The following PVT1 variants were observed in gnomAD, a reference collection of about 807,000 sequenced individuals.
PVT1 encodes the protein Pvt1 oncogene.
At chr8:127,817,544 T>TAC (rs558276115) in intron 2 of PVT1, among the ~76,000 whole-genome samples, 14,079 of 117,674 alleles carry the variant, frequency 0.12, 1,161 homozygotes, top group South Asian at 0.21. Context: ...TATATATATA[T>TAC]ATACACACAC....
chr8:127,799,202 G>A (rs1010736787), intron 2 of PVT1, among the ~76,000 whole-genome samples: 4 of 151,542 alleles, frequency 2.6e-5, no homozygotes, highest in Admixed American at 2.6e-4. Context: ...AAATTCTTGA[G>A]AACAGGGGCG....
In PVT1 at chr8:127,803,453, G is replaced by C. The variant is rs1814492252; in HGVS notation, n.372+7382G>C. On this transcript the variant is annotated intron_variant and non_coding_transcript_variant, in intron 2 of 10. Coordinates refer to ENST00000651587, the Ensembl canonical transcript of PVT1. ...CCCAGGCGGAAATTATTTCAACTGGGTCCTGAGAACTGGGCACTTTTCAAG... is the reference window on the plus strand; with the variant it reads ...CCCAGGCGGAAATTATTTCAACTGGCTCCTGAGAACTGGGCACTTTTCAAG... 2.6e-5 allele frequency: 4 copies of C among 152,202 alleles called. No individual in the cohort carries two copies. In the South Asian group the frequency reaches 8.3e-4, roughly 32 times the overall value. The allele number at this position is 152,202 out of a possible 1,614,324, so 9.4% of individuals were successfully genotyped here.
intron 4 of PVT1, among the ~76,000 whole-genome samples, chr8:128,043,672 G>T (rs1294962723): frequency 6.6e-6 from 1 of 151,892 alleles, no homozygotes; most frequent in Admixed American, 6.6e-5. Flanking sequence ...AATTTTTTCA[G>T]TCGATAATTA....
At chr8:127,829,925 G>A (rs1201842829) in intron 2 of PVT1, among the ~76,000 whole-genome samples, 1 of 152,174 alleles carries the variant, frequency 6.6e-6, no homozygotes, top group African/African-American at 2.4e-5. Flanking sequence ...TCTTGGTTTT[G>A]GTGGTTGCTG....
intron 2 of PVT1, among the ~76,000 whole-genome samples, chr8:127,834,073 G>A (rs538408353): frequency 6.6e-6 from 1 of 152,076 alleles, no homozygotes; most frequent in East Asian, 1.9e-4. Flanking sequence ...TCTTCTACTT[G>A]GGCCCTCTGC....
intron 4 of PVT1, among the ~76,000 whole-genome samples, chr8:128,063,908 G>C (rs1445911868): frequency 6.6e-6 from 1 of 152,164 alleles, no homozygotes; most frequent in Non-Finnish European, 1.5e-5. Context: ...GCTAGATTTA[G>C]TAATTCCATA....
At chr8:127,841,705 G>C (rs1305954968) in intron 2 of PVT1, among the ~76,000 whole-genome samples, 1 of 151,664 alleles carries the variant, frequency 6.6e-6, no homozygotes, top group East Asian at 1.9e-4. Flanking sequence ...CTCATCATCT[G>C]ACCCAGGAGC....
chr8:128,065,878 A>G (rs1263151545), intron 4 of PVT1, among the ~76,000 whole-genome samples: 1 of 152,220 alleles, frequency 6.6e-6, no homozygotes, highest in Non-Finnish European at 1.5e-5. Context: ...TCACCTACTC[A>G]TTTCACAAAT....
intron 3 of PVT1, among the ~76,000 whole-genome samples, chr8:127,984,921 CTCTTTCTCTT>C (rs1173591546): frequency 4.0e-4 from 45 of 112,262 alleles, no homozygotes; most frequent in Non-Finnish European, 5.7e-4. Flanking sequence ...TTCTTTCTTT[CTCTTTCTCTT>C]TCTTTCTTTC....
At chr8:127,862,423 A>T (rs1403370723) in intron 2 of PVT1, among the ~76,000 whole-genome samples, 1 of 151,928 alleles carries the variant, frequency 6.6e-6, no homozygotes, top group Admixed American at 6.6e-5. Context: ...AAAAAAATTA[A>T]CTTTTAATTT....
chr8:127,923,581 G>A (rs1816091384), intron 3 of PVT1, among the ~76,000 whole-genome samples: 1 of 152,174 alleles, frequency 6.6e-6, no homozygotes, highest in African/African-American at 2.4e-5. Flanking sequence ...CAATGCAGTG[G>A]GTGCCATGAA....
At chr8:128,082,124 G>A (rs1445944660) in intron 5 of PVT1, among the ~76,000 whole-genome samples, 1 of 152,278 alleles carries the variant, frequency 6.6e-6, no homozygotes, top group South Asian at 2.1e-4. Flanking sequence ...AATAAAAATA[G>A]CCAAGAATTA....
chr8:128,001,743 A>G (rs950289946), intron 4 of PVT1, among the ~76,000 whole-genome samples: 1 of 152,210 alleles, frequency 6.6e-6, no homozygotes, highest in Non-Finnish European at 1.5e-5. Flanking sequence ...TCTCAAAGCT[A>G]AAAGTCCAAG....
At chr8:127,872,611 T>C (rs929984752) in intron 2 of PVT1, among the ~76,000 whole-genome samples, 12 of 152,192 alleles carry the variant, frequency 7.9e-5, no homozygotes, top group African/African-American at 2.9e-4. Flanking sequence ...AAAAAGTTCA[T>C]TAAAAATAAC....
At chr8:127,835,485 T>C (rs1159548394) in intron 2 of PVT1, among the ~76,000 whole-genome samples, 1 of 151,960 alleles carries the variant, frequency 6.6e-6, no homozygotes, top group Non-Finnish European at 1.5e-5. Flanking sequence ...TTAGGAGAAA[T>C]ACCCAGTGCA....
At chr8:127,975,264 C>T (rs1297570819) in intron 3 of PVT1, among the ~76,000 whole-genome samples, 3 of 152,196 alleles carry the variant, frequency 2.0e-5, no homozygotes, top group Admixed American at 1.3e-4. Flanking sequence ...GTTTATGCTG[C>T]TTCCATCAAC....
rs760945131 is a variant in PVT1, at chr8:127,984,879, T to TTC, written n.783-4281_783-4280dup. Among the ~76,000 whole-genome samples, 284 of 87,986 alleles carry TTC rather than the reference T, an allele frequency of 3.2e-3. 8 individuals carry two copies. The highest frequency in any genetic ancestry group is 0.012 in the South Asian group (22 of 1,844). 57.7% of individuals were successfully genotyped at this position (87,986 alleles called of 152,430 possible). On this transcript the variant is annotated intron_variant and non_coding_transcript_variant, in intron 3 of 10. Coordinates refer to ENST00000651587, the Ensembl canonical transcript of PVT1. ...TTTCTTTCTTTCTTTCTTTCTTTCTTTCTTTCTTTCTTTCTTTCTTTCTTT... is the reference window on the plus strand; with the variant it reads ...TTTCTTTCTTTCTTTCTTTCTTTCTTTCTCTTTCTTTCTTTCTTTCTTTCTTT...
intron 3 of PVT1, among the ~76,000 whole-genome samples, chr8:127,899,235 A>G (rs1264411824): frequency 1.3e-5 from 2 of 152,188 alleles, no homozygotes; most frequent in Admixed American, 6.5e-5. Context: ...TCTGTGAGCT[A>G]AGGGAGGACA....
intron 2 of PVT1, among the ~76,000 whole-genome samples, chr8:127,836,304 A>AATTTTT (rs1264404161): frequency 2.6e-5 from 4 of 152,202 alleles, no homozygotes; most frequent in Non-Finnish European, 4.4e-5. Flanking sequence ...AATTAATTTT[A>AATTTTT]ATTTTTATTT....
Sources: gnomAD v4.1 joint callset for allele counts (sites outside exome capture counted in the v4.1 genomes callset) on GRCh38, gnomAD v4.1.1 for gene constraint, MANE v1.5 for transcripts, NCBI Gene and HGNC (gene_info 2026-07-23, HGNC 2026-07-21) for gene names.